Variants in IKZF1 observed in about 807,000 individuals in gnomAD.
IKZF1 encodes IKAROS family zinc finger 1.
A neutral mutation model predicts 51.7 loss-of-function variants in IKZF1; 10 were observed. The observed-to-expected ratio is 0.19, with a 90% CI of 0.12 to 0.33. The LOEUF (loss-of-function observed/expected upper bound fraction) is 0.33, where lower values mean the gene tolerates loss of function less well. Ranked by LOEUF, IKZF1 falls within the 10% of genes least tolerant of loss-of-function variation. The probability of loss-of-function intolerance (pLI) is 1.00; values close to 1 mark genes in which losing one functional copy is unlikely to be tolerated. For missense variants in IKZF1, 484 were observed against 707.5 expected (o/e 0.68, Z 3.58); for synonymous variants, 280 against 282.3 (o/e 0.99, Z 0.08).
chr7:50,399,678 G>A (rs1817621924), intron 7 of IKZF1, among the ~76,000 whole-genome samples: 1 of 152,120 alleles, frequency 6.6e-6, no homozygotes, highest in Non-Finnish European at 1.5e-5. Flanking sequence ...TAATGGGTAG[G>A]TCCTGGCTCG....
At chr7:50,354,001 G>A (rs1018563467) in intron 3 of IKZF1, among the ~76,000 whole-genome samples, 4 of 152,200 alleles carry the variant, frequency 2.6e-5, no homozygotes, top group African/African-American at 4.8e-5. Context: ...CATAGAGGAG[G>A]CAGAATTCCC....
intron 3 of IKZF1, among the ~76,000 whole-genome samples, chr7:50,340,427 A>G (rs1373752802): frequency 1.3e-5 from 2 of 152,192 alleles, no homozygotes; most frequent in Non-Finnish European, 2.9e-5. Flanking sequence ...GTCACTCCTC[A>G]CCAGGCTGGG....
intron 2 of IKZF1, among the ~76,000 whole-genome samples, chr7:50,326,189 G>A (rs1454006182): frequency 6.6e-6 from 1 of 152,170 alleles, no homozygotes; most frequent in Non-Finnish European, 1.5e-5. Context: ...TCTTGTGGAA[G>A]GTTTATTCAA....
chr7:50,364,136 G>A lies in IKZF1; in HGVS notation c.161-12397G>A, dbSNP rs1447193743. Among the ~76,000 whole-genome samples the A allele has an allele frequency of 2.6e-5, 4 of 152,170 alleles. No individual in the cohort carries two copies. The East Asian group carries it at 7.7e-4, about 29-fold the overall frequency. On this transcript the variant is annotated intron_variant, in intron 3 of 7. Transcript: ENST00000331340. Reference sequence around the variant, plus strand: ...ATTGTCAGTGTTCTCGAATTTGAAAGTAGATCAGATCTCCTCCCTCTAGTT... The same window carrying A: ...ATTGTCAGTGTTCTCGAATTTGAAAATAGATCAGATCTCCTCCCTCTAGTT...
At chr7:50,373,141 A>T (rs1180433385) in intron 3 of IKZF1, among the ~76,000 whole-genome samples, 1 of 152,194 alleles carries the variant, frequency 6.6e-6, no homozygotes, top group Non-Finnish European at 1.5e-5. Context: ...GCTTTCCCCC[A>T]TGCTTCTGTT....
At chr7:50,397,102 A>G (rs1242091403) in intron 7 of IKZF1, among the ~76,000 whole-genome samples, 2 of 152,230 alleles carry the variant, frequency 1.3e-5, no homozygotes, top group East Asian at 3.8e-4. Flanking sequence ...TTCTGAGGTT[A>G]TTCTTGACTC....
At position 50,404,160 on chromosome 7, in the gene IKZF1, A is replaced by G. The variant is rs1818603736; in HGVS notation, c.*3533A>G. On this transcript the variant is annotated 3_prime_UTR_variant, in exon 8 of 8. Coordinates refer to ENST00000331340, the MANE Select transcript of IKZF1 (RefSeq NM_006060.6). ...GCAATATTGTTTCCAATACTTTCTAATACAGTTTTTTATAATGTTGTGTGT... is the reference window on the plus strand; with the variant it reads ...GCAATATTGTTTCCAATACTTTCTAGTACAGTTTTTTATAATGTTGTGTGT... The G allele has an allele frequency of 9.3e-6, 2 of 214,906 alleles. No homozygotes were observed. The highest frequency in any genetic ancestry group is 1.9e-5 in the Non-Finnish European group (2 of 106,268). 13.3% of individuals were successfully genotyped at this position (214,906 alleles called of 1,614,324 possible).
chr7:50,389,944 G>A (rs1379507974), intron 6 of IKZF1, among the ~76,000 whole-genome samples: 8 of 152,130 alleles, frequency 5.3e-5, no homozygotes, highest in African/African-American at 1.4e-4. Context: ...TAGATGGGGT[G>A]GATTCAGTAA....
intron 3 of IKZF1, among the ~76,000 whole-genome samples, chr7:50,360,352 G>C (rs1256732914): frequency 1.3e-5 from 2 of 152,026 alleles, no homozygotes; most frequent in Non-Finnish European, 2.9e-5. Flanking sequence ...CTCTTCAGTT[G>C]ATCGCTTAGG....
chr7:50,369,088 C>G (rs906411255), intron 3 of IKZF1: 3 of 229,232 alleles, frequency 1.3e-5, no homozygotes, highest in Non-Finnish European at 1.7e-5. Context: ...CACTTTAAAG[C>G]AATAGCTTGA....
rs1584339612 is a variant in IKZF1 at position 50,306,525 on chromosome 7, A to C, written c.-15+1603A>C. ...CCCCCTAATGCAGAAACATCATAGC[A>C]ATAATCACCCACCCTCAGGGTCTCC... On this transcript the variant is annotated intron_variant, in intron 1 of 7. Transcript: ENST00000331340. 5.9e-5 allele frequency among the ~76,000 whole-genome samples: 9 copies of C among 152,296 alleles called. No individual in the cohort carries two copies. The South Asian group carries it at 1.9e-3, about 32-fold the overall frequency.
rs1431674959 is a variant in IKZF1 at position 50,319,117 on chromosome 7, A to G, written c.40+16A>G. On this transcript the variant is annotated intron_variant, in intron 2 of 7. Transcript: ENST00000331340. ...CAAGTTTCAGGTGAGACCTTATGAG[A>G]TAGCTGTGTGGGAAGTTCATGAGAA... 4.3e-6 allele frequency: 7 copies of G among 1,612,232 alleles called. No individual in the cohort carries two copies. The highest frequency in any genetic ancestry group is 4.0e-5 in the African/African-American group (3 of 74,866).
Position 50,368,279 on chromosome 7 carries a change from G to A in IKZF1, c.161-8254G>A. Reference sequence around the variant, plus strand: ...TGTGCGGTGTCCTGGGAGCATGGCAGTGGAGTAACAGTAAGGGTTGGAGTC... The same window carrying A: ...TGTGCGGTGTCCTGGGAGCATGGCAATGGAGTAACAGTAAGGGTTGGAGTC... On this transcript the variant is annotated intron_variant, in intron 3 of 7. Transcript: ENST00000331340. The A allele has an allele frequency of 8.5e-6, 6 of 703,354 alleles. No homozygotes were observed. Among genetic ancestry groups the A allele is most frequent in the Non-Finnish European group, 1.6e-5 (6 of 385,092 alleles). The allele number at this position is 703,354 out of a possible 1,614,324, so 43.6% of individuals were successfully genotyped here. A position where few individuals can be genotyped will look rare whatever the true frequency, so the allele number is the denominator to read the frequency against.
At chr7:50,382,335 A>G (rs556622316) in intron 4 of IKZF1, among the ~76,000 whole-genome samples, 53 of 152,206 alleles carry the variant, frequency 3.5e-4, no homozygotes, top group African/African-American at 1.1e-3. Flanking sequence ...TGATTTAGGG[A>G]AAAAAAATTA....
chr7:50,356,316 G>T (rs888340181), intron 3 of IKZF1, among the ~76,000 whole-genome samples: 1 of 152,214 alleles, frequency 6.6e-6, no homozygotes, highest in Non-Finnish European at 1.5e-5. Flanking sequence ...GGGGACAGAT[G>T]GTCTGGAGCC....
chr7:50,363,843 C>T (rs778639836), intron 3 of IKZF1, among the ~76,000 whole-genome samples: 1 of 152,194 alleles, frequency 6.6e-6, no homozygotes, highest in Non-Finnish European at 1.5e-5. Context: ...CTCCCATCCA[C>T]CTCCACCTTG....
chr7:50,371,370 G>A (rs567785075), intron 3 of IKZF1, among the ~76,000 whole-genome samples: 24 of 152,310 alleles, frequency 1.6e-4, no homozygotes, highest in Admixed American at 1.1e-3. Context: ...TCACATTCTC[G>A]CAGAGCCTCC....
chr7:50,345,088 G>T (rs1253658572), intron 3 of IKZF1, among the ~76,000 whole-genome samples: 1 of 151,976 alleles, frequency 6.6e-6, no homozygotes, highest in East Asian at 1.9e-4. Context: ...AATATTCTTA[G>T]AAGTCTGGAG....
At position 50,387,477 on chromosome 7, in the gene IKZF1, G is replaced by A. The variant is rs1401626131; in HGVS notation, c.715+7G>A. The A allele has an allele frequency of 6.2e-6, 10 of 1,604,742 alleles. No individual in the cohort carries two copies. The highest frequency in any genetic ancestry group is 4.5e-5 in the East Asian group (2 of 44,578). On this transcript the variant is annotated splice_region_variant and intron_variant, in intron 6 of 7. Coordinates refer to ENST00000331340, the MANE Select transcript of IKZF1 (RefSeq NM_006060.6). ...CCGGGCACACTGTACCCAGGTAAGC[G>A]CTGCTGCTCGGAGGCCAGCCTGGTG... is the stretch of plus-strand genomic sequence containing the variant.
Sources: gnomAD v4.1 joint callset for allele counts (sites outside exome capture counted in the v4.1 genomes callset) on GRCh38, gnomAD v4.1.1 for gene constraint, MANE v1.5 for transcripts, NCBI Gene and HGNC (gene_info 2026-07-23, HGNC 2026-07-21) for gene names.